ARIH2: variants seen among roughly 807,000 people sequenced by gnomAD.
ARIH2 encodes E3 ubiquitin-protein ligase ARIH2.
Under a neutral mutation model 79.8 loss-of-function variants are expected in ARIH2, and 12 were observed. The observed-to-expected ratio is 0.15, with a 90% CI of 0.10 to 0.24. ARIH2 has a LOEUF of 0.24. Ranked by LOEUF, ARIH2 falls within the 10% of genes least tolerant of loss-of-function variation. ARIH2 has a pLI of 1.00. For synonymous variants in ARIH2, 224 were observed against 213.9 expected, an observed-to-expected ratio of 1.05 and a Z score of -0.41; for missense variants, 301 against 618.3, an observed-to-expected ratio of 0.49 and a Z score of 5.44.
chr3:48,983,567 A>C lies in ARIH2; in HGVS notation c.*297A>C. 3.1e-6 allele frequency: 1 copy of C among 324,398 alleles called. No individual in the cohort carries two copies. Among genetic ancestry groups the C allele is most frequent in the South Asian group, 6.4e-5 (1 of 15,548 alleles). 20.1% of individuals were successfully genotyped at this position (324,398 alleles called of 1,614,324 possible). On this transcript the variant is annotated 3_prime_UTR_variant, in exon 16 of 16. Transcript: ENST00000356401. ...GAATGGCTATTAATAGTATTAGATCATTACAACTTATGTAACTTTCAAAGG... is the reference window on the plus strand; with the variant it reads ...GAATGGCTATTAATAGTATTAGATCCTTACAACTTATGTAACTTTCAAAGG...
At chr3:48,980,325 G>A in intron 12 of ARIH2, 28 bp from the exon 13 acceptor site, 10 of 1,608,780 alleles carry the variant, frequency 6.2e-6, no homozygotes, top group Non-Finnish European at 7.6e-6. Flanking sequence ...GGACTCCTGT[G>A]GTTTTCTTCT....
At chr3:48,949,873 T>A (rs1371498002) in intron 3 of ARIH2, among the ~76,000 whole-genome samples, 1 of 152,124 alleles carries the variant, frequency 6.6e-6, no homozygotes, top group African/African-American at 2.4e-5. Context: ...ACTTTTCCAT[T>A]TTCTAAATGG....
At chr3:48,949,751 A>C (rs752186601) in intron 3 of ARIH2, among the ~76,000 whole-genome samples, 1 of 151,918 alleles carries the variant, frequency 6.6e-6, no homozygotes, top group Non-Finnish European at 1.5e-5. Flanking sequence ...AGAATTCTTT[A>C]CATAGTTTGA....
chr3:48,923,330 G>A (rs2085090916), intron 2 of ARIH2, among the ~76,000 whole-genome samples: 1 of 151,790 alleles, frequency 6.6e-6, no homozygotes, highest in South Asian at 2.1e-4. Context: ...AACCCGGAAG[G>A]CAGAGGTTGC....
chr3:48,947,715 G>A (rs986634325), intron 3 of ARIH2, among the ~76,000 whole-genome samples: 5 of 152,104 alleles, frequency 3.3e-5, no homozygotes, highest in South Asian at 4.1e-4. Context: ...AGTGATTGCC[G>A]TTGAATTAAA....
At chr3:48,959,371 CTG>C (rs2090995092) in intron 3 of ARIH2, among the ~76,000 whole-genome samples, 1 of 150,786 alleles carries the variant, frequency 6.6e-6, no homozygotes, top group Non-Finnish European at 1.5e-5. Context: ...GTATCAAAGA[CTG>C]TATTTCAGCA....
At chr3:48,942,186 GA>G (rs1241289181) in intron 3 of ARIH2, among the ~76,000 whole-genome samples, 4 of 151,860 alleles carry the variant, frequency 2.6e-5, no homozygotes, top group Non-Finnish European at 4.4e-5. Context: ...AAATAGCTGG[GA>G]TTAGAGGTGC....
chr3:48,957,407 C>T (rs1380374321), intron 3 of ARIH2, among the ~76,000 whole-genome samples: 1 of 152,210 alleles, frequency 6.6e-6, no homozygotes, highest in Non-Finnish European at 1.5e-5. Context: ...AATGGCTACC[C>T]AGTGTCCAGT....
At chr3:48,941,837 C>G (rs2088311013) in intron 3 of ARIH2, among the ~76,000 whole-genome samples, 1 of 151,508 alleles carries the variant, frequency 6.6e-6, no homozygotes, top group Admixed American at 6.6e-5. Flanking sequence ...CCTGCCTCGG[C>G]CTCCCAAAGT....
At chr3:48,939,965 T>C (rs7647093) in intron 3 of ARIH2, among the ~76,000 whole-genome samples, 1 of 151,566 alleles carries the variant, frequency 6.6e-6, no homozygotes, top group Non-Finnish European at 1.5e-5. Context: ...GGCTCATGCC[T>C]GTAATCCCAG....
chr3:48,953,841 C>T (rs2107438956), intron 3 of ARIH2, among the ~76,000 whole-genome samples: 1 of 152,006 alleles, frequency 6.6e-6, no homozygotes, highest in African/African-American at 2.4e-5. Flanking sequence ...GGACTACAGG[C>T]ACATGCCACC....
chr3:48,944,323 C>T lies in ARIH2; in HGVS notation c.255+16510C>T, dbSNP rs368183067. Among the ~76,000 whole-genome samples the T allele has an allele frequency of 8.6e-5, 13 of 151,992 alleles. No individual in the cohort carries two copies. The East Asian group carries it at 1.7e-3, about 20-fold the overall frequency. On this transcript the variant is annotated intron_variant, in intron 3 of 15. Coordinates refer to ENST00000356401, the MANE Select transcript of ARIH2 (RefSeq NM_006321.4). The stretch of plus-strand genomic sequence containing the variant: ...TACCCTTATGGTCAAGGAATGATTA[C>T]GTTAGTATTTTTACATTATTATATT...
At chr3:48,981,823 C>A (rs2092762162) in intron 14 of ARIH2, 95 bp downstream of exon 14, 3 of 1,017,816 alleles carry the variant, frequency 2.9e-6, no homozygotes, top group Non-Finnish European at 4.5e-6. Context: ...AGACCTTGGT[C>A]ATTGGGAGGG....
chr3:48,968,507 C>T, intron 6 of ARIH2, 27 bp from the exon 7 acceptor site: 1 of 1,600,674 alleles, frequency 6.2e-7, no homozygotes, highest in East Asian at 2.3e-5. Context: ...TCGCACCTGG[C>T]CCCATCAGGT....
At position 48,960,471 on chromosome 3, in the gene ARIH2, C is replaced by A. The variant is rs952940504; in HGVS notation, c.256-1141C>A. Among the ~76,000 whole-genome samples, 241 of 146,982 alleles carry A rather than the reference C, an allele frequency of 1.6e-3. 2 individuals carry two copies. Among genetic ancestry groups the A allele is most frequent in the East Asian group, 5.4e-3 (27 of 5,024 alleles). On this transcript the variant is annotated intron_variant, in intron 3 of 15. Transcript: ENST00000356401. ...GCTCATTATTTAAAAAAAAAAAAAA[C>A]AAAAAAACCTGGCCGGGCACAATGG...
intron 3 of ARIH2, among the ~76,000 whole-genome samples, chr3:48,950,582 G>A (rs1345332299): frequency 6.6e-6 from 1 of 152,084 alleles, no homozygotes; most frequent in East Asian, 1.9e-4. Flanking sequence ...GATTTTGATT[G>A]GGATTTTCAT....
At chr3:48,936,034 A>G (rs1167093943) in intron 3 of ARIH2, among the ~76,000 whole-genome samples, 1 of 152,218 alleles carries the variant, frequency 6.6e-6, no homozygotes, top group East Asian at 1.9e-4. Context: ...GAGCCGGGAA[A>G]AAGATACAGG....
At position 48,942,930 on chromosome 3, in the gene ARIH2, A is replaced by C. The variant is rs547630890; in HGVS notation, c.255+15117A>C. Among the ~76,000 whole-genome samples, 11 of 151,892 alleles carry C rather than the reference A, an allele frequency of 7.2e-5. 1 individual carries two copies. Among genetic ancestry groups the C allele is most frequent in the African/African-American group, 2.7e-4 (11 of 41,428 alleles). On this transcript the variant is annotated intron_variant, in intron 3 of 15. Coordinates refer to ENST00000356401, the MANE Select transcript of ARIH2 (RefSeq NM_006321.4). ...CCTCCCAAAGTGCTGGAATTACAGG[A>C]GTGAGTCACCGTGCCTGGCCCTAAT...
chr3:48,972,250 G>A (rs2092278765), intron 8 of ARIH2, among the ~76,000 whole-genome samples: 1 of 152,156 alleles, frequency 6.6e-6, no homozygotes, highest in South Asian at 2.1e-4. Context: ...GCTCACTGCA[G>A]CCTCAAACCC....
Sources: allele counts gnomAD v4.1 joint callset (sites outside exome capture counted in the v4.1 genomes callset), GRCh38; gene constraint gnomAD v4.1.1; transcripts MANE v1.5; gene names NCBI Gene and HGNC (gene_info 2026-07-23, HGNC 2026-07-21).